Variants in RREB1 observed in about 807,000 individuals in gnomAD.
The protein encoded by RREB1 is ras-responsive element-binding protein 1.
A neutral mutation model predicts 117.8 loss-of-function variants in RREB1; 27 were observed. That is an observed-to-expected ratio of 0.23 (90% CI 0.17 to 0.32). RREB1 has a LOEUF of 0.32. RREB1 is among the 10% of genes least tolerant of loss of function. The pLI is 1.00. For synonymous variants in RREB1, 1,298 were observed against 1,026.7 expected, an observed-to-expected ratio of 1.26 and a Z score of -5.05; for missense variants, 2,577 against 2,378.2, an observed-to-expected ratio of 1.08 and a Z score of -1.74.
chr6:7,183,023 A>G (rs1367218200), intron 4 of RREB1: 1 of 152,146 alleles, frequency 6.6e-6, no homozygotes, highest in African/African-American at 2.4e-5. Flanking sequence ...TTTTCTATAA[A>G]TTCTTAGAAG....
intron 1 of RREB1, among the ~76,000 whole-genome samples, chr6:7,163,828 C>T (rs1200301887): frequency 6.6e-6 from 1 of 152,224 alleles, no homozygotes; most frequent in East Asian, 1.9e-4. Flanking sequence ...GAAAAAGTTT[C>T]CTCGGACATA....
In RREB1 at chr6:7,247,017, G is replaced by C. The variant is rs35753273; in HGVS notation, c.4567G>C (p.Ala1523Pro). The part of the protein sequence containing the change: ...GAGEAPAEKL[A>P]EETEGPSDGE... ...CGGGGAGGCCCCGGCGGAAAAGCTCGCGGAGGAGACGGAGGGCCCCTCCGA... is the reference window on the plus strand; with the variant it reads ...CGGGGAGGCCCCGGCGGAAAAGCTCCCGGAGGAGACGGAGGGCCCCTCCGA... The change falls in exon 12 of 13, where the codon GCG (alanine) becomes CCG (proline). Residue 1523 changes from alanine to proline, a missense_variant. Transcript: ENST00000379938. The C allele has an allele frequency of 1.9e-6, 3 of 1,610,882 alleles. No homozygotes were observed. Among genetic ancestry groups the C allele is most frequent in the Non-Finnish European group, 2.5e-6 (3 of 1,178,736 alleles).
Position 7,229,098 on chromosome 6 carries a change from G to A in RREB1, c.999G>A (p.Leu333=), listed in dbSNP as rs1331824206. 6.2e-7 allele frequency: 1 copy of A among 1,604,902 alleles called. No homozygotes were observed. Among genetic ancestry groups the A allele is most frequent in the African/African-American group, 1.3e-5 (1 of 74,870 alleles). The part of the protein sequence containing the change: ...KAFPMLCSLA[L]HKQTHVAADQ... The stretch of plus-strand genomic sequence containing the variant: ...TCCCCATGCTCTGCTCACTGGCTCT[G>A]CACAAGCAGACCCATGTGGCGGCAG... The change falls in exon 10 of 13, where the codon CTG becomes CTA. Residue 333 remains leucine (L), a synonymous_variant. Coordinates refer to ENST00000379938, the MANE Select transcript of RREB1 (RefSeq NM_001003699.4). The surrounding 1 kb of genome is among the most constrained non-coding windows in gnomAD (Gnocchi z 4.5).
At position 7,249,799 on chromosome 6, in the gene RREB1, A is replaced by ATATTAT. The variant is rs60940908; in HGVS notation, c.*852_*857dup. The ATATTAT allele has an allele frequency of 2.7e-3, 407 of 150,406 alleles. 2 individuals are homozygous for ATATTAT. The highest frequency in any genetic ancestry group is 8.3e-3 in the African/African-American group (342 of 40,960). The allele number at this position is 150,406 out of a possible 1,614,324, so 9.3% of individuals were successfully genotyped here. On this transcript the variant is annotated 3_prime_UTR_variant, in exon 13 of 13. Transcript: ENST00000379938. ...TTCCCTTTCAGTATATGTATTATTA[A>ATATTAT]TATTATTATTATTATTATTATTATT...
Position 7,230,673 on chromosome 6 carries a change from C to A in RREB1, c.2574C>A (p.Pro858=), listed in dbSNP as rs116759588. The A allele has an allele frequency of 7.5e-6, 12 of 1,594,870 alleles. No individual in the cohort carries two copies. Among genetic ancestry groups the A allele is most frequent in the Non-Finnish European group, 9.4e-6 (11 of 1,169,948 alleles). The stretch of plus-strand genomic sequence containing the variant: ...GCGCTGCCCTTGGTGACTGCAAGCC[C>A]CTCACTGCCTTCCTGGAACCCCAGA... ...SGCAALGDCK[P]LTAFLEPQNG... Residue 858 remains proline (P), a synonymous_variant, in exon 10 of 13, where the codon CCC becomes CCA. Transcript: ENST00000379938.
At chr6:7,173,943 G>A (rs968146679) in intron 1 of RREB1, among the ~76,000 whole-genome samples, 1 of 152,016 alleles carries the variant, frequency 6.6e-6, no homozygotes, top group East Asian at 1.9e-4. Context: ...GCATTGTCCC[G>A]TATCTCCCCC....
At chr6:7,246,393 C>G in intron 11 of RREB1, 31 bp from the exon 12 acceptor site, 1 of 1,449,306 alleles carries the variant, frequency 6.9e-7, no homozygotes, top group African/African-American at 1.4e-5. Context: ...TGGTGCCCCT[C>G]TGAGCCCTCC....
chr6:7,169,198 C>T (rs747719257), intron 1 of RREB1, among the ~76,000 whole-genome samples: 1 of 152,210 alleles, frequency 6.6e-6, no homozygotes, highest in Non-Finnish European at 1.5e-5. Context: ...CCTGATAAGC[C>T]AGGAGAGCAG....
At chr6:7,219,564 T>G (rs1163826572) in intron 8 of RREB1, among the ~76,000 whole-genome samples, 1 of 151,914 alleles carries the variant, frequency 6.6e-6, no homozygotes, top group Non-Finnish European at 1.5e-5. Context: ...CGTGTGGGAG[T>G]CAGACTTCTC....
At chr6:7,177,625 C>T (rs563387098) in intron 2 of RREB1, among the ~76,000 whole-genome samples, 59 of 152,264 alleles carry the variant, frequency 3.9e-4, no homozygotes, top group African/African-American at 1.3e-3. Context: ...GCTTTGAACT[C>T]CTGGGCTCCT....
intron 6 of RREB1, among the ~76,000 whole-genome samples, chr6:7,190,105 A>G (rs962594283): frequency 6.6e-6 from 1 of 152,310 alleles, no homozygotes; most frequent in Admixed American, 6.5e-5. Context: ...TAAACACTAA[A>G]ATGAGTTGGA....
intron 2 of RREB1, among the ~76,000 whole-genome samples, chr6:7,177,990 T>C (rs1047383783): frequency 4.6e-5 from 7 of 152,316 alleles, no homozygotes; most frequent in South Asian, 4.1e-4. Context: ...CCCAAAGTGC[T>C]GGGATTACAG....
intron 2 of RREB1, among the ~76,000 whole-genome samples, chr6:7,179,870 C>T (rs1434771960): frequency 6.6e-6 from 1 of 151,452 alleles, no homozygotes; most frequent in Non-Finnish European, 1.5e-5. Flanking sequence ...AGGCTGGTCT[C>T]GAACTCCTGG....
chr6:7,168,561 C>G (rs1461715569), intron 1 of RREB1, among the ~76,000 whole-genome samples: 1 of 152,198 alleles, frequency 6.6e-6, no homozygotes, highest in Non-Finnish European at 1.5e-5. Context: ...CTGTATCCAT[C>G]TGAGGGCTTA....
rs948982743 is a variant in RREB1 at position 7,248,423 on chromosome 6, T to C, written c.4772-88T>C. On this transcript the variant is annotated intron_variant, in intron 12 of 12. Coordinates refer to ENST00000379938, the MANE Select transcript of RREB1 (RefSeq NM_001003699.4). ...GAGTCCTGGCCCCCCGCACATAGCCTGGGAGCCTCATTCTTCCTGTGCAGA... is the reference window on the plus strand; with the variant it reads ...GAGTCCTGGCCCCCCGCACATAGCCCGGGAGCCTCATTCTTCCTGTGCAGA... 42 of 1,168,720 alleles carry C rather than the reference T, an allele frequency of 3.6e-5. No individual in the cohort carries two copies. The African/African-American group carries it at 5.7e-4, about 16-fold the overall frequency. The allele number at this position is 1,168,720 out of a possible 1,614,324, so 72.4% of individuals were successfully genotyped here. A position where few individuals can be genotyped will look rare whatever the true frequency, so the allele number is the denominator to read the frequency against.
intron 1 of RREB1, among the ~76,000 whole-genome samples, chr6:7,158,238 C>G (rs979915313): frequency 6.6e-5 from 10 of 152,154 alleles, no homozygotes; most frequent in Non-Finnish European, 1.0e-4. Context: ...CCTTTCTGCC[C>G]TTTCCATTGT....
At chr6:7,208,511 C>T (rs770868065) in intron 6 of RREB1, among the ~76,000 whole-genome samples, 1 of 152,238 alleles carries the variant, frequency 6.6e-6, no homozygotes, top group South Asian at 2.1e-4. Context: ...TACCCGGTAG[C>T]TGGGGATTTC....
At chr6:7,234,702 T>C (rs1287322913) in intron 10 of RREB1, among the ~76,000 whole-genome samples, 1 of 152,254 alleles carries the variant, frequency 6.6e-6, no homozygotes, top group African/African-American at 2.4e-5. Flanking sequence ...ATGTTCTTGG[T>C]AGAGCTAGTC....
chr6:7,248,022 T>C (rs1449477958), intron 12 of RREB1, among the ~76,000 whole-genome samples: 1 of 152,216 alleles, frequency 6.6e-6, no homozygotes, highest in Non-Finnish European at 1.5e-5. Context: ...AGGGATATTC[T>C]TGGGCTCCCA....
Sources: gnomAD v4.1 joint callset for allele counts (sites outside exome capture counted in the v4.1 genomes callset) on GRCh38, gnomAD v4.1.1 for gene constraint, Gnocchi (gnomAD v3.1) non-coding constraint, MANE v1.5 for transcripts, NCBI Gene and HGNC (gene_info 2026-07-23, HGNC 2026-07-21) for gene names.